DST: variants seen among roughly 807,000 people sequenced by gnomAD.
DST encodes dystonin, also known as bullous pemphigoid antigen.
Under a neutral mutation model 875.2 loss-of-function variants are expected in DST, and 253 were observed. The ratio of observed to expected loss-of-function variants is 0.29; its 90% CI spans 0.26 to 0.32. The LOEUF is 0.32. Among genes scored for constraint, DST ranks in the 10% least tolerant of loss-of-function variants. The probability of loss-of-function intolerance (pLI) is 1.00; values close to 1 mark genes in which losing one functional copy is unlikely to be tolerated. For missense variants in DST, 8,287 were observed against 9,111.6 expected (o/e 0.91, Z 3.68); for synonymous variants, 3,124 against 3,197.1 (o/e 0.98, Z 0.77).
intron 4 of DST, among the ~76,000 whole-genome samples, chr6:56,835,180 G>A (rs1430327353): frequency 6.6e-6 from 1 of 152,200 alleles, no homozygotes; most frequent in Non-Finnish European, 1.5e-5. Flanking sequence ...GTTGTCAGGG[G>A]TTCTGGAGCT....
intron 80 of DST, among the ~76,000 whole-genome samples, chr6:56,498,348 TA>T (rs1309354324): frequency 6.6e-6 from 1 of 152,072 alleles, no homozygotes; most frequent in Non-Finnish European, 1.5e-5. Flanking sequence ...AATTTTGTTT[TA>T]TTTTTTATAC....
chr6:56,862,740 G>A (rs1424746634), intron 3 of DST, among the ~76,000 whole-genome samples: 2 of 152,114 alleles, frequency 1.3e-5, no homozygotes, highest in Non-Finnish European at 2.9e-5. Context: ...AATTGGGGGG[G>A]AATGGAGAGG....
chr6:56,603,173 C>A, intron 42 of DST, 32 bp downstream of exon 42: 1 of 1,563,700 alleles, frequency 6.4e-7, no homozygotes, highest in Non-Finnish European at 8.7e-7. Context: ...AAATTTTCTT[C>A]ATAAATCAAA....
intron 8 of DST, among the ~76,000 whole-genome samples, chr6:56,701,096 C>T (rs1046932336): frequency 2.0e-5 from 3 of 151,246 alleles, no homozygotes; most frequent in Non-Finnish European, 4.4e-5. Flanking sequence ...CCTCCCGCCT[C>T]AGCCTCCCAA....
chr6:56,562,730 ACCCCCCAGGCCCCC>A (rs2097558603), intron 55 of DST, among the ~76,000 whole-genome samples: 1 of 150,780 alleles, frequency 6.6e-6, no homozygotes, highest in Non-Finnish European at 1.5e-5. Context: ...AATGCTATCC[ACCCCCCAGGCCCCC>A]CACCCCCTGA....
In DST at chr6:56,553,484, A is replaced by G. The variant is rs1195557014; in HGVS notation, c.15308T>C (p.Phe5103Ser). 6.2e-7 allele frequency: 1 copy of G among 1,613,496 alleles called. No individual in the cohort carries two copies. Among genetic ancestry groups the G allele is most frequent in the African/African-American group, 1.3e-5 (1 of 74,996 alleles). ...LESLIKDHKD[F>S]SKTLTAQSHM... ...AGACTGAGCGGTCAAAGTTTTACTAAAGTCTTTATGATCTTTAATTAATGA... is the reference window on the plus strand; with the variant it reads ...AGACTGAGCGGTCAAAGTTTTACTAGAGTCTTTATGATCTTTAATTAATGA... The change falls in exon 61 of 104, where the codon TTT (phenylalanine) becomes TCT (serine). Residue 5103 changes from phenylalanine to serine, a missense_variant. Phe to Ser is a radical substitution (Grantham distance 155, BLOSUM62 -2). Around this residue, in one of 10 missense-constraint regions of DST, gnomAD observed 1,513 missense variants for 1,677.8 expected, o/e 0.90. Coordinates refer to ENST00000680361, the MANE Select transcript of DST (RefSeq NM_001374736.1).
chr6:56,946,058 T>C (rs1196664800), intron 2 of DST, among the ~76,000 whole-genome samples: 1 of 152,196 alleles, frequency 6.6e-6, no homozygotes, highest in African/African-American at 2.4e-5. Context: ...ACGTAAATTA[T>C]ATCTCAATAA....
At chr6:56,689,423 T>A (rs987844324) in intron 9 of DST, among the ~76,000 whole-genome samples, 7 of 152,150 alleles carry the variant, frequency 4.6e-5, no homozygotes, top group African/African-American at 1.7e-4. Flanking sequence ...TGGCAAATAC[T>A]AAGCTAAGGT....
intron 3 of DST, among the ~76,000 whole-genome samples, chr6:56,889,343 T>G (rs1252320156): frequency 1.3e-5 from 2 of 152,228 alleles, no homozygotes; most frequent in Non-Finnish European, 1.5e-5. Context: ...TCCTTTGTGC[T>G]TACCATTTCA....
Position 56,639,584 on chromosome 6 carries a change from G to C in DST, c.2725C>G (p.Leu909Val), listed in dbSNP as rs1381651330. The C allele has an allele frequency of 1.2e-6, 2 of 1,613,764 alleles. No individual in the cohort carries two copies. The highest frequency in any genetic ancestry group is 4.5e-5 in the East Asian group (2 of 44,836). ...LNTSRNQERHLDTLHNFVSRA... is the reference protein window; with the variant it reads ...LNTSRNQERHVDTLHNFVSRA... ...CTTACAAAATTATGGAGTGTATCAA[G>C]GTGCCGTTCTTGATTCCTGGATGTA... Residue 909 changes from leucine to valine, a missense_variant, in exon 21 of 104, where the codon CTT (leucine) becomes GTT (valine). This residue lies in a region of DST where 1,160 missense variants were observed against 1,424.3 expected (regional missense o/e 0.81). Coordinates refer to ENST00000680361, the MANE Select transcript of DST (RefSeq NM_001374736.1).
Position 56,622,097 on chromosome 6 carries a change from A to G in DST, c.4929+2433T>C, listed in dbSNP as rs543120010. ...TCTATTTAAATACTAAGTTTTCAGT[A>G]TTTCTTGAGGAGGTTATTTCTAAGA... On this transcript the variant is annotated intron_variant, in intron 36 of 103. Coordinates refer to ENST00000680361, the MANE Select transcript of DST (RefSeq NM_001374736.1). Among the ~76,000 whole-genome samples, 19 of 152,310 alleles carry G rather than the reference A, an allele frequency of 1.2e-4. No homozygotes were observed. In the South Asian group the frequency reaches 1.4e-3, roughly 12 times the overall value.
chr6:56,528,279 C>T (rs1584119325), intron 67 of DST, among the ~76,000 whole-genome samples: 1 of 152,236 alleles, frequency 6.6e-6, no homozygotes, highest in South Asian at 2.1e-4. Flanking sequence ...ATGAATGGTA[C>T]TTGCCCCCAA....
chr6:56,886,813 C>A (rs1391749022), intron 3 of DST, among the ~76,000 whole-genome samples: 3 of 149,450 alleles, frequency 2.0e-5, no homozygotes, highest in Non-Finnish European at 3.0e-5. Flanking sequence ...TGAAACATTA[C>A]TGTCATTTCT....
At chr6:56,699,782 T>C (rs1265907560) in intron 8 of DST, 37 bp from the exon 9 acceptor site, 3 of 949,982 alleles carry the variant, frequency 3.2e-6, no homozygotes, top group Non-Finnish European at 4.6e-6. Context: ...AACCAACTGT[T>C]TATCAAACCT....
intron 10 of DST, among the ~76,000 whole-genome samples, chr6:56,658,165 C>G (rs1056670272): frequency 1.3e-5 from 2 of 152,236 alleles, no homozygotes; most frequent in Admixed American, 6.5e-5. Flanking sequence ...TGGGTTCAAG[C>G]GATCCTCCTG....
At chr6:56,664,944 C>T (rs1038904676) in intron 10 of DST, among the ~76,000 whole-genome samples, 1 of 152,120 alleles carries the variant, frequency 6.6e-6, no homozygotes, top group Non-Finnish European at 1.5e-5. Flanking sequence ...AACAGAAAGA[C>T]ATAATGTATT....
intron 53 of DST, among the ~76,000 whole-genome samples, 164 bp from the exon 54 acceptor site, chr6:56,570,176 A>C (rs1236670687): frequency 6.6e-6 from 1 of 152,208 alleles, no homozygotes; most frequent in African/African-American, 2.4e-5. Flanking sequence ...CTAAATCAGT[A>C]GTCCCCAGCC....
intron 56 of DST, 142 bp downstream of exon 56, chr6:56,561,996 T>C (rs1163160436): frequency 2.4e-5 from 11 of 453,576 alleles, no homozygotes; most frequent in Non-Finnish European, 7.6e-6. Flanking sequence ...ATAATTTTTA[T>C]GGAGATTGTG....
At position 56,620,646 on chromosome 6, in the gene DST, C is replaced by T. The variant is rs757715794; in HGVS notation, c.4929+3884G>A. On this transcript the variant is annotated intron_variant, in intron 36 of 103. Coordinates refer to ENST00000680361, the MANE Select transcript of DST (RefSeq NM_001374736.1). ...CCTGTAAGTTTGCTATTCTCAAGCA[C>T]TGTTGCCTTCTGACGCTGAAGCAGA... is the stretch of plus-strand genomic sequence containing the variant. 25 of 1,614,172 alleles carry T rather than the reference C, an allele frequency of 1.5e-5. No homozygotes were observed. Among genetic ancestry groups the T allele is most frequent in the Non-Finnish European group, 2.0e-5 (24 of 1,180,042 alleles).
Sources: gnomAD v4.1 joint callset for allele counts (sites outside exome capture counted in the v4.1 genomes callset) on GRCh38, gnomAD v4.1.1 for gene constraint, gnomAD v4.1.1 regional missense constraint, MANE v1.5 for transcripts, NCBI Gene and HGNC (gene_info 2026-07-23, HGNC 2026-07-21) for gene names.